The following TMCO6 variants were observed in gnomAD, a reference collection of about 807,000 sequenced individuals.
TMCO6 encodes transmembrane and coiled-coil domain-containing protein 6.
In TMCO6, 47 loss-of-function variants were observed where a neutral mutation model predicts 61.8. The ratio of observed to expected loss-of-function variants is 0.76; its 90% CI spans 0.60 to 0.97. The LOEUF (loss-of-function observed/expected upper bound fraction) is 0.97. Among genes scored for constraint, TMCO6 ranks in the 50% least tolerant of loss-of-function variants. The pLI is 0.00. For missense variants in TMCO6, 557 were observed against 601.6 expected, an observed-to-expected ratio of 0.93 and a Z score of 0.78; for synonymous variants, 261 against 254.2, an observed-to-expected ratio of 1.03 and a Z score of -0.25.
chr5:140,632,614 C>T, the TMCO6 span: 3 of 1,613,788 alleles, frequency 1.9e-6, no homozygotes, highest in Admixed American at 3.3e-5. The surrounding 1 kb of genome is among the most constrained non-coding windows in gnomAD (Gnocchi z 6.2). Flanking sequence ...TTTAGGTCCT[C>T]GAGCGTCAGT....
the TMCO6 span, among the ~76,000 whole-genome samples, chr5:140,623,409 C>G: frequency 6.6e-6 from 1 of 151,918 alleles, no homozygotes; most frequent in Non-Finnish European, 1.5e-5. Flanking sequence ...AGATCTCCCC[C>G]ACCCCACAAA....
chr5:140,645,693 G>A (rs376011171), downstream of TMCO6: 28 of 1,614,074 alleles, frequency 1.7e-5, no homozygotes, highest in African/African-American at 3.6e-4. Flanking sequence ...AGAGAGAGAG[G>A]GAGGTGTCTT....
chr5:140,639,692 G>A, intron 1 of TMCO6, 47 bp from the exon 2 acceptor site: 2 of 1,554,716 alleles, frequency 1.3e-6, no homozygotes, highest in South Asian at 2.4e-5. Context: ...CGCGGGTTCT[G>A]GGTTGTGGTC....
chr5:140,631,342 T>C, the TMCO6 span, among the ~76,000 whole-genome samples: 1 of 151,898 alleles, frequency 6.6e-6, no homozygotes, highest in Non-Finnish European at 1.5e-5. Flanking sequence ...TGTGAGTGTG[T>C]GTGTGTGTGA....
the TMCO6 span, among the ~76,000 whole-genome samples, chr5:140,616,991 C>T: frequency 7.6e-3 from 1,149 of 151,014 alleles, 16 homozygotes; most frequent in African/African-American, 0.027. Flanking sequence ...TGCTGTGAGC[C>T]GAGATCATGC....
intron 5 of TMCO6, 41 bp downstream of exon 5, chr5:140,642,460 C>T (rs762866201): frequency 3.7e-6 from 6 of 1,605,494 alleles, no homozygotes; most frequent in Non-Finnish European, 4.3e-6. Context: ...TTCCTTTGCT[C>T]CTCCCCACAT....
At chr5:140,647,473 C>T, downstream of TMCO6, 3 of 1,611,784 alleles carry the variant, frequency 1.9e-6, no homozygotes, top group Non-Finnish European at 1.7e-6. Flanking sequence ...CTCACCACGC[C>T]GCGCCTCACC....
At chr5:140,620,783 G>A in the TMCO6 span, among the ~76,000 whole-genome samples, 1 of 152,354 alleles carries the variant, frequency 6.6e-6, no homozygotes, top group Admixed American at 6.5e-5. Flanking sequence ...GGCCAAGGCA[G>A]GAGGATCACT....
upstream of TMCO6, chr5:140,639,430 C>T: frequency 2.3e-6 from 3 of 1,306,088 alleles, no homozygotes; most frequent in South Asian, 3.9e-5. Context: ...CCCGCCTGTT[C>T]CCGCCCTGTG....
the TMCO6 span, among the ~76,000 whole-genome samples, chr5:140,617,664 G>A: frequency 6.6e-6 from 1 of 151,720 alleles, no homozygotes; most frequent in Non-Finnish European, 1.5e-5. Context: ...AACCCAGGAT[G>A]CGGAGGTTGC....
At chr5:140,601,304 G>A in the TMCO6 span, among the ~76,000 whole-genome samples, 1 of 152,156 alleles carries the variant, frequency 6.6e-6, no homozygotes, top group Non-Finnish European at 1.5e-5. Flanking sequence ...GTGGGGGTAT[G>A]GGGTGGTGGT....
chr5:140,624,675 G>A, the TMCO6 span, among the ~76,000 whole-genome samples: 2 of 151,590 alleles, frequency 1.3e-5, no homozygotes, highest in South Asian at 2.1e-4. Context: ...TCAGCCTCCC[G>A]AGTAGCTGGG....
upstream of TMCO6, among the ~76,000 whole-genome samples, chr5:140,637,038 G>A (rs1041467385): frequency 3.3e-5 from 5 of 152,162 alleles, no homozygotes; most frequent in Non-Finnish European, 7.3e-5. Flanking sequence ...GTTCTGAGTA[G>A]GTGACACTGG....
chr5:140,633,180 T>C, the TMCO6 span: 3 of 1,394,392 alleles, frequency 2.2e-6, no homozygotes, highest in South Asian at 1.2e-5. Flanking sequence ...ACTTGTGAAC[T>C]CTTCGGCTGC....
chr5:140,640,355 G>T (rs900768301), intron 2 of TMCO6, among the ~76,000 whole-genome samples: 1 of 151,532 alleles, frequency 6.6e-6, no homozygotes, highest in South Asian at 2.1e-4. Flanking sequence ...CATTCGCTAC[G>T]TCTAACGTTC....
chr5:140,639,684 CGGGTTCT>C lies in TMCO6; in HGVS notation c.86-49_86-43del. ...AGTTGAGACCCCAGGCTCGGAGCCGCGGGTTCTGGGTTGTGGTCGTCCTTCCCACGCT... is the reference window on the plus strand; with the variant it reads ...AGTTGAGACCCCAGGCTCGGAGCCGCGGGTTGTGGTCGTCCTTCCCACGCT... On this transcript the variant is annotated intron_variant, in intron 1 of 11. Transcript: ENST00000394671. 12 of 1,548,520 alleles carry C rather than the reference CGGGTTCT, an allele frequency of 7.7e-6. No individual in the cohort carries two copies. The South Asian group carries it at 1.2e-4, about 15-fold the overall frequency.
chr5:140,635,490 CTCA>C (rs1290433501), upstream of TMCO6, among the ~76,000 whole-genome samples: 1 of 152,180 alleles, frequency 6.6e-6, no homozygotes. Flanking sequence ...AGTCTGACAC[CTCA>C]TCATCTTAGG....
At chr5:140,604,278 A>C in the TMCO6 span, among the ~76,000 whole-genome samples, 83,415 of 151,660 alleles carry the variant, frequency 0.55, 23,282 homozygotes, top group African/African-American at 0.6. Context: ...TCCTGTAGTA[A>C]CAGCACTCAG....
chr5:140,631,095 A>T, the TMCO6 span, among the ~76,000 whole-genome samples: 2 of 152,228 alleles, frequency 1.3e-5, no homozygotes, highest in East Asian at 3.8e-4. Flanking sequence ...TTATCTGCAT[A>T]TGTGTTCTAA....
Sources: allele counts gnomAD v4.1 joint callset (sites outside exome capture counted in the v4.1 genomes callset), GRCh38; gene constraint gnomAD v4.1.1; non-coding constraint Gnocchi (gnomAD v3.1); transcripts MANE v1.5; gene names NCBI Gene and HGNC (gene_info 2026-07-23, HGNC 2026-07-21).